The following PARVA variants were observed in gnomAD, a reference collection of about 807,000 sequenced individuals.
The protein encoded by PARVA is parvin alpha, also known as alpha-parvin.
In PARVA, 25 loss-of-function variants were observed where a neutral mutation model predicts 52.6. The observed-to-expected ratio is 0.48, with a 90% CI of 0.35 to 0.66. PARVA has a LOEUF of 0.66. Among genes scored for constraint, PARVA ranks in the 30% least tolerant of loss-of-function variants. The pLI, the probability that PARVA is intolerant of heterozygous loss-of-function variation, is 0.01. For synonymous variants in PARVA, 185 were observed against 179.1 expected (o/e 1.03, Z -0.26); for missense variants, 373 against 450.9 (o/e 0.83, Z 1.56).
chr11:12,410,382 C>G (rs1332054935), intron 1 of PARVA, among the ~76,000 whole-genome samples: 2 of 152,252 alleles, frequency 1.3e-5, no homozygotes, highest in Non-Finnish European at 2.9e-5. Flanking sequence ...GGCAGGGACT[C>G]CGGGCCAGCT....
At chr11:12,508,111 A>AAC (rs1564865821) in intron 6 of PARVA, among the ~76,000 whole-genome samples, 1 of 128,234 alleles carries the variant, frequency 7.8e-6, no homozygotes, top group African/African-American at 3.4e-5. Context: ...AAAAAAAAAA[A>AAC]AAAAAAAAAA....
At chr11:12,524,163 C>T (rs113535836) in intron 12 of PARVA, among the ~76,000 whole-genome samples, 2 of 152,164 alleles carry the variant, frequency 1.3e-5, no homozygotes, top group Non-Finnish European at 2.9e-5. Context: ...ACAGACTGCA[C>T]GGCTATACAT....
At chr11:12,439,098 GT>G (rs750924554) in intron 1 of PARVA, among the ~76,000 whole-genome samples, 6 of 152,214 alleles carry the variant, frequency 3.9e-5, no homozygotes, top group South Asian at 4.1e-4. Context: ...CAGTAGACTG[GT>G]TTGGGAAAGT....
chr11:12,513,871 G>A, intron 9 of PARVA, 126 bp from the exon 10 acceptor site: 3 of 815,824 alleles, frequency 3.7e-6, no homozygotes, highest in South Asian at 1.6e-5. Context: ...TGGGCCCAGG[G>A]CTCTTGGCTG....
In PARVA at chr11:12,377,634, G is replaced by T. The variant is rs756106838; in HGVS notation, c.-14G>T. 6.4e-7 allele frequency: 1 copy of T among 1,566,122 alleles called. No homozygotes were observed. Among genetic ancestry groups the T allele is most frequent in the East Asian group, 2.6e-5 (1 of 38,780 alleles). On this transcript the variant is annotated 5_prime_UTR_variant, in exon 1 of 13. Coordinates refer to ENST00000334956, the MANE Select transcript of PARVA (RefSeq NM_018222.5). ...TCCGCGTCCCGACCGGCCCGCGGCA[G>T]CCTGCGCCGCGCCATGGCCACCTCC...
intron 12 of PARVA, among the ~76,000 whole-genome samples, chr11:12,521,302 C>T (rs1172577583): frequency 6.6e-6 from 1 of 152,182 alleles, no homozygotes; most frequent in Non-Finnish European, 1.5e-5. Flanking sequence ...TGTTCAACTC[C>T]CCCATTCCCC....
intron 4 of PARVA, among the ~76,000 whole-genome samples, chr11:12,487,407 T>A (rs1941173252): frequency 6.6e-6 from 1 of 152,254 alleles, no homozygotes; most frequent in South Asian, 2.1e-4. Flanking sequence ...GGAAGGTGGC[T>A]TTAAAAACCT....
intron 1 of PARVA, among the ~76,000 whole-genome samples, chr11:12,381,922 C>T (rs1372218757): frequency 1.3e-5 from 2 of 152,146 alleles, no homozygotes; most frequent in Non-Finnish European, 2.9e-5. Context: ...TCTCTAGTGG[C>T]ACTTTGTTAG....
intron 7 of PARVA, 30 bp downstream of exon 7, chr11:12,508,672 C>G (rs1941466323): frequency 6.7e-7 from 1 of 1,490,136 alleles, no homozygotes; most frequent in Non-Finnish European, 9.3e-7. Flanking sequence ...GCCAGCGATT[C>G]TGTAATGGAA....
chr11:12,517,985 TC>T (rs975811841), intron 11 of PARVA, among the ~76,000 whole-genome samples: 59 of 152,208 alleles, frequency 3.9e-4, no homozygotes, highest in African/African-American at 1.4e-3. Context: ...GCCTCCTCTC[TC>T]CCCAGAGATG....
chr11:12,401,952 T>G (rs997110475), intron 1 of PARVA, among the ~76,000 whole-genome samples: 1 of 152,206 alleles, frequency 6.6e-6, no homozygotes, highest in Non-Finnish European at 1.5e-5. Flanking sequence ...AATTTTCAAG[T>G]TCCCCAACTA....
intron 1 of PARVA, among the ~76,000 whole-genome samples, chr11:12,462,255 A>G (rs1372143860): frequency 6.6e-6 from 1 of 152,186 alleles, no homozygotes; most frequent in Admixed American, 6.5e-5. Flanking sequence ...TTATGTGGCA[A>G]AGGGGAATTT....
At chr11:12,447,384 T>G (rs1940562100) in intron 1 of PARVA, among the ~76,000 whole-genome samples, 1 of 152,156 alleles carries the variant, frequency 6.6e-6, no homozygotes, top group Non-Finnish European at 1.5e-5. Flanking sequence ...GGTGTGTAAC[T>G]CACCATGGGC....
rs751367080 is a variant in PARVA at position 12,496,645 on chromosome 11, C to G, written c.541+47C>G. The G allele has an allele frequency of 1.4e-5, 22 of 1,577,650 alleles. No homozygotes were observed. In the South Asian group the frequency reaches 1.6e-4, roughly 12 times the overall value. On this transcript the variant is annotated intron_variant, in intron 5 of 12. Coordinates refer to ENST00000334956, the MANE Select transcript of PARVA (RefSeq NM_018222.5). ...GGCACCATTAAACAATGCCTGTGGT[C>G]CCTGCCATGGGGCTTCCCCAAGAAG...
Position 12,533,499 on chromosome 11 carries a change from G to T in PARVA, c.*5574G>T, listed in dbSNP as rs1055118944. On this transcript the variant is annotated 3_prime_UTR_variant, in exon 13 of 13. Transcript: ENST00000334956. ...GTCACTTAATGTTTCACAATGTTTGGTGAAACAACTTTCATATGAAAGTAC... is the reference window on the plus strand; with the variant it reads ...GTCACTTAATGTTTCACAATGTTTGTTGAAACAACTTTCATATGAAAGTAC... 2.6e-5 allele frequency among the ~76,000 whole-genome samples: 4 copies of T among 152,114 alleles called. No individual in the cohort carries two copies. The highest frequency in any genetic ancestry group is 9.7e-5 in the African/African-American group (4 of 41,416).
rs1206578602 is a variant in PARVA at position 12,532,023 on chromosome 11, T to C, written c.*4098T>C. Among the ~76,000 whole-genome samples, 3 of 152,206 alleles carry C rather than the reference T, an allele frequency of 2.0e-5. No individual in the cohort carries two copies. Among genetic ancestry groups the C allele is most frequent in the Admixed American group, 6.5e-5 (1 of 15,274 alleles). On this transcript the variant is annotated 3_prime_UTR_variant, in exon 13 of 13. Transcript: ENST00000334956. ...TTTTTACTCTCTGCTCCCTGAAAAC[T>C]GTAACCCCAGGCTAGCTCCAAACTC...
rs1270574688 is a variant in PARVA at position 12,392,249 on chromosome 11, G to A, written c.136+14466G>A. Among the ~76,000 whole-genome samples the A allele has an allele frequency of 2.0e-5, 3 of 150,188 alleles. No homozygotes were observed. In the East Asian group the frequency reaches 5.8e-4, roughly 29 times the overall value. On this transcript the variant is annotated intron_variant, in intron 1 of 12. Transcript: ENST00000334956. ...CAAGGTTTCATCTATGTTGTAGCAT[G>A]TATCTGTACTTCATTCCTTTTTTTT...
At chr11:12,493,731 T>A (rs1941261184) in intron 4 of PARVA, among the ~76,000 whole-genome samples, 1 of 152,188 alleles carries the variant, frequency 6.6e-6, no homozygotes, top group Non-Finnish European at 1.5e-5. Flanking sequence ...AAGTAAGGTG[T>A]GAAATCCAAT....
At chr11:12,430,195 A>G (rs908518045) in intron 1 of PARVA, among the ~76,000 whole-genome samples, 2 of 152,204 alleles carry the variant, frequency 1.3e-5, no homozygotes, top group African/African-American at 4.8e-5. Flanking sequence ...GCAGCACACC[A>G]TTGTGTAGTA....
Sources: allele counts gnomAD v4.1 joint callset (sites outside exome capture counted in the v4.1 genomes callset), GRCh38; gene constraint gnomAD v4.1.1; transcripts MANE v1.5; gene names NCBI Gene and HGNC (gene_info 2026-07-23, HGNC 2026-07-21).